RBMS3: variants seen among roughly 807,000 people sequenced by gnomAD.
The protein encoded by RBMS3 is RNA binding motif single stranded interacting protein 3.
A neutral mutation model predicts 66.8 loss-of-function variants in RBMS3; 27 were observed. The observed-to-expected ratio is 0.40, with a 90% CI of 0.30 to 0.56. The LOEUF is 0.56. Among genes scored for constraint, RBMS3 ranks in the 20% least tolerant of loss-of-function variants. The pLI, the probability that RBMS3 is intolerant of heterozygous loss-of-function variation, is 0.40. For missense variants in RBMS3, 513 were observed against 549.5 expected (o/e 0.93, Z 0.66); for synonymous variants, 188 against 183.0 (o/e 1.03, Z -0.22).
chr3:29,638,156 A>G (rs1190077418), intron 4 of RBMS3, among the ~76,000 whole-genome samples: 1 of 151,862 alleles, frequency 6.6e-6, no homozygotes, highest in Non-Finnish European at 1.5e-5. Flanking sequence ...ATCCCCACCA[A>G]ATAAGAAGAC....
rs892714091 is a variant in RBMS3, at chr3:29,991,202, C to G, written c.1300C>G (p.Gln434Glu). 2.5e-6 allele frequency: 4 copies of G among 1,613,986 alleles called. No individual in the cohort carries two copies. The African/African-American group carries it at 4.0e-5, about 16-fold the overall frequency. Residue 434 changes from glutamine to glutamate, a missense_variant, in exon 14 of 15, where the codon CAG (glutamine) becomes GAG (glutamate). Physicochemically the swap from Gln to Glu is conservative, Grantham distance 29. Transcript: ENST00000383767. ...ACATGCACCTGCATATTCTTACCAA[C>G]AGTCTAAGTAAGTCTGGGCTGTGCT... is the stretch of plus-strand genomic sequence containing the variant. The part of the protein sequence containing the change: ...NEHAPAYSYQ[Q>E]SKP
intron 6 of RBMS3, among the ~76,000 whole-genome samples, chr3:29,801,131 A>T (rs1185219967): frequency 1.3e-5 from 2 of 152,088 alleles, no homozygotes; most frequent in East Asian, 3.9e-4. Flanking sequence ...TACATTATTT[A>T]TTTAAAGCCA....
chr3:29,443,637 G>A (rs2125743596), intron 2 of RBMS3, among the ~76,000 whole-genome samples: 1 of 152,206 alleles, frequency 6.6e-6, no homozygotes, highest in Non-Finnish European at 1.5e-5. Flanking sequence ...AGGAACGTAA[G>A]AAAGGTTATG....
chr3:29,384,669 C>G (rs1425161047), intron 1 of RBMS3, among the ~76,000 whole-genome samples: 1 of 152,054 alleles, frequency 6.6e-6, no homozygotes, highest in South Asian at 2.1e-4. Flanking sequence ...AAGTGTGACT[C>G]AAGGATGTCT....
At chr3:29,482,227 A>G (rs904875192) in intron 2 of RBMS3, among the ~76,000 whole-genome samples, 1 of 152,202 alleles carries the variant, frequency 6.6e-6, no homozygotes, top group Non-Finnish European at 1.5e-5. Flanking sequence ...CGCTAAGGTG[A>G]CAGGTTATAT....
At chr3:29,551,448 G>C (rs1485641494) in intron 3 of RBMS3, among the ~76,000 whole-genome samples, 2 of 152,124 alleles carry the variant, frequency 1.3e-5, no homozygotes, top group African/African-American at 4.8e-5. Flanking sequence ...ATAAAAACCA[G>C]GGAAGATCTT....
intron 4 of RBMS3, among the ~76,000 whole-genome samples, chr3:29,708,170 A>G (rs774055161): frequency 5.3e-5 from 8 of 152,136 alleles, no homozygotes; most frequent in Non-Finnish European, 8.8e-5. Flanking sequence ...GGTACCTTAT[A>G]TAAGAAGAAG....
At chr3:29,318,786 T>C (rs897397590) in intron 1 of RBMS3, among the ~76,000 whole-genome samples, 25 of 151,858 alleles carry the variant, frequency 1.6e-4, no homozygotes, top group African/African-American at 6.0e-4. Flanking sequence ...TCTGGAACCT[T>C]GAGAGACTTA....
intron 1 of RBMS3, among the ~76,000 whole-genome samples, chr3:29,304,708 T>G (rs1353410348): frequency 6.6e-6 from 1 of 151,978 alleles, no homozygotes; most frequent in Non-Finnish European, 1.5e-5. Flanking sequence ...TCTCTCCTAG[T>G]CCTTACTCAT....
intron 4 of RBMS3, among the ~76,000 whole-genome samples, chr3:29,601,041 C>A (rs2048125667): frequency 6.6e-6 from 1 of 151,906 alleles, no homozygotes; most frequent in Non-Finnish European, 1.5e-5. Context: ...AGTGATGGAA[C>A]CCTGTTGATC....
intron 8 of RBMS3, among the ~76,000 whole-genome samples, chr3:29,895,842 C>T (rs2060113414): frequency 6.6e-6 from 1 of 151,112 alleles, no homozygotes; most frequent in African/African-American, 2.4e-5. Context: ...TTTGCTTTCC[C>T]ACTAACATTG....
At chr3:29,989,030 A>G (rs1187087708) in intron 13 of RBMS3, among the ~76,000 whole-genome samples, 1 of 152,210 alleles carries the variant, frequency 6.6e-6, no homozygotes, top group East Asian at 1.9e-4. Context: ...TGAACATCAT[A>G]TTTTTAAAAG....
chr3:29,762,036 A>G (rs1170116681), intron 5 of RBMS3, among the ~76,000 whole-genome samples: 1 of 152,154 alleles, frequency 6.6e-6, no homozygotes, highest in African/African-American at 2.4e-5. Context: ...AACTGCTACA[A>G]ATATTACTGT....
chr3:29,647,643 C>A (rs969346666), intron 4 of RBMS3, among the ~76,000 whole-genome samples: 1 of 152,140 alleles, frequency 6.6e-6, no homozygotes, highest in Non-Finnish European at 1.5e-5. Context: ...GAACATATCT[C>A]TCGCAGGCTG....
intron 12 of RBMS3, among the ~76,000 whole-genome samples, chr3:29,968,213 G>C (rs1245700788): frequency 1.3e-5 from 2 of 152,274 alleles, no homozygotes; most frequent in East Asian, 1.9e-4. Context: ...CCCCGTAACA[G>C]TCTGTTTCCA....
chr3:29,350,287 G>T (rs956748266), intron 1 of RBMS3, among the ~76,000 whole-genome samples: 1 of 152,056 alleles, frequency 6.6e-6, no homozygotes, highest in Non-Finnish European at 1.5e-5. Flanking sequence ...AGTTAGCATG[G>T]TTCATAATTG....
At chr3:29,739,927 A>G in intron 5 of RBMS3, 50 bp downstream of exon 5, 1 of 1,366,404 alleles carries the variant, frequency 7.3e-7, no homozygotes, top group African/African-American at 1.5e-5. Context: ...TGTTCCTTTT[A>G]AATTCCATTC....
intron 1 of RBMS3, among the ~76,000 whole-genome samples, chr3:29,422,434 A>G (rs966856769): frequency 1.3e-5 from 2 of 151,842 alleles, no homozygotes; most frequent in African/African-American, 4.8e-5. Context: ...AATCACACAA[A>G]AAAGAAAAGA....
chr3:29,680,398 T>C (rs2051436641), intron 4 of RBMS3, among the ~76,000 whole-genome samples: 1 of 152,202 alleles, frequency 6.6e-6, no homozygotes, highest in African/African-American at 2.4e-5. Context: ...ATAGTGCGTG[T>C]TTTTCTCCTC....
Sources: allele counts gnomAD v4.1 joint callset (sites outside exome capture counted in the v4.1 genomes callset), GRCh38; gene constraint gnomAD v4.1.1; transcripts MANE v1.5; gene names NCBI Gene and HGNC (gene_info 2026-07-23, HGNC 2026-07-21).